The following MYO16 variants were observed in gnomAD, a reference collection of about 807,000 sequenced individuals.
The protein encoded by MYO16 is myosin XVI, also known as unconventional myosin-XVI.
In MYO16, 94 loss-of-function variants were observed where a neutral mutation model predicts 205.3. That is an observed-to-expected ratio of 0.46 (90% CI 0.39 to 0.54). The LOEUF is 0.54. Ranked by LOEUF, MYO16 falls within the 20% of genes least tolerant of loss-of-function variation. The pLI, the probability that MYO16 is intolerant of heterozygous loss-of-function variation, is 0.00. For missense variants in MYO16, 2,315 were observed against 2,387.5 expected (o/e 0.97, Z 0.63); for synonymous variants, 988 against 954.0 (o/e 1.04, Z -0.66).
At chr13:108,593,137 T>C (rs1005460875), upstream of MYO16, among the ~76,000 whole-genome samples, 2 of 151,958 alleles carry the variant, frequency 1.3e-5, no homozygotes, top group African/African-American at 4.8e-5. Context: ...AAGCGATGAG[T>C]AAATGAAGAG....
chr13:108,746,846 C>T (rs112626042), intron 4 of MYO16, among the ~76,000 whole-genome samples: 5 of 152,090 alleles, frequency 3.3e-5, no homozygotes, highest in African/African-American at 1.2e-4. Flanking sequence ...AACAGCTTTA[C>T]TTAAGTATAG....
chr13:109,206,521 C>T, intron 34 of MYO16, 88 bp from the exon 35 acceptor site: 1 of 986,588 alleles, frequency 1.0e-6, no homozygotes, highest in East Asian at 2.4e-5. Flanking sequence ...CAGTCCTGCC[C>T]CTTTGTATCC....
At chr13:109,000,243 T>C (rs1283596360) in intron 21 of MYO16, among the ~76,000 whole-genome samples, 1 of 152,220 alleles carries the variant, frequency 6.6e-6, no homozygotes, top group Non-Finnish European at 1.5e-5. Flanking sequence ...TCATGTAGTT[T>C]TGTGCTAATA....
At chr13:109,059,660 A>G (rs67339052) in intron 27 of MYO16, among the ~76,000 whole-genome samples, 9,339 of 152,002 alleles carry the variant, frequency 0.061, 341 homozygotes, top group Non-Finnish European at 0.085. Context: ...TGGATGTTAG[A>G]CCTTTGTGAG....
intron 34 of MYO16, among the ~76,000 whole-genome samples, chr13:109,201,257 G>A (rs769412192): frequency 6.6e-6 from 1 of 152,048 alleles, no homozygotes; most frequent in Non-Finnish European, 1.5e-5. Context: ...TAACAGATTT[G>A]ATCACTTTGA....
chr13:108,971,622 CAT>C (rs1271256021), intron 20 of MYO16, among the ~76,000 whole-genome samples: 1 of 151,450 alleles, frequency 6.6e-6, no homozygotes, highest in African/African-American at 2.4e-5. Context: ...GAGTTTCTAA[CAT>C]ATATATGGAG....
the MYO16 span, among the ~76,000 whole-genome samples, chr13:108,564,704 TATTA>T: frequency 6.6e-6 from 1 of 152,216 alleles, no homozygotes. Flanking sequence ...GCTTGTAGAA[TATTA>T]CTCAAGAAAT....
At chr13:108,495,737 C>G in the MYO16 span, among the ~76,000 whole-genome samples, 2 of 150,908 alleles carry the variant, frequency 1.3e-5, no homozygotes, top group South Asian at 2.1e-4. Flanking sequence ...CAGAGAGAGC[C>G]GCCGCCGAGC....
At chr13:108,570,341 T>C in the MYO16 span, among the ~76,000 whole-genome samples, 1 of 152,170 alleles carries the variant, frequency 6.6e-6, no homozygotes, top group South Asian at 2.1e-4. Context: ...CTCAAACCCC[T>C]GGGCTCAAGT....
At chr13:109,039,311 G>A (rs1159748432) in intron 23 of MYO16, among the ~76,000 whole-genome samples, 1 of 152,168 alleles carries the variant, frequency 6.6e-6, no homozygotes, top group African/African-American at 2.4e-5. Flanking sequence ...CAATCGGCAA[G>A]GGTGCAGGAG....
Position 108,964,808 on chromosome 13 carries a change from C to G in MYO16, c.2275C>G (p.Arg759Gly). The change falls in exon 20 of 35, where the codon CGA becomes GGA. Residue 759 changes from arginine to glycine, a missense_variant. By Grantham distance (125) the Arg-to-Gly change is moderately radical. Coordinates refer to ENST00000457511, the MANE Select transcript of MYO16 (RefSeq NM_001198950.3). Reference sequence around the variant, plus strand: ...TACCATACAGATTGCTGAGTTTTTCCGAGACCTCTTGGCCAAGTCCCTGTA... The same window carrying G: ...TACCATACAGATTGCTGAGTTTTTCGGAGACCTCTTGGCCAAGTCCCTGTA... Reference protein sequence around the residue: ...RHTIQIAEFFRDLLAKSLYSR... With the variant: ...RHTIQIAEFFGDLLAKSLYSR... 1 of 1,613,990 alleles carries G rather than the reference C, an allele frequency of 6.2e-7. No homozygotes were observed. The highest frequency in any genetic ancestry group is 8.5e-7 in the Non-Finnish European group (1 of 1,179,970).
At chr13:108,989,840 GAT>G (rs1411281347) in intron 20 of MYO16, among the ~76,000 whole-genome samples, 1 of 151,842 alleles carries the variant, frequency 6.6e-6, no homozygotes, top group Non-Finnish European at 1.5e-5. Context: ...ATTTTAATAA[GAT>G]TGATACTTTT....
chr13:108,666,936 A>G (rs1297007528), intron 2 of MYO16, among the ~76,000 whole-genome samples: 1 of 152,226 alleles, frequency 6.6e-6, no homozygotes, highest in Non-Finnish European at 1.5e-5. Context: ...AAGGCTTCAA[A>G]GAAACAGATA....
intron 1 of MYO16, among the ~76,000 whole-genome samples, chr13:108,613,386 C>A (rs1879244454): frequency 1.3e-5 from 2 of 152,042 alleles, no homozygotes; most frequent in African/African-American, 4.8e-5. Context: ...CTTTTTATTT[C>A]TTGATATCTA....
At chr13:108,751,061 T>A (rs575409904) in intron 4 of MYO16, among the ~76,000 whole-genome samples, 20 of 149,856 alleles carry the variant, frequency 1.3e-4, no homozygotes, top group South Asian at 6.4e-4. Context: ...ATATGTGTGT[T>A]CACACACACA....
the MYO16 span, among the ~76,000 whole-genome samples, chr13:108,521,603 G>A: frequency 1.3e-5 from 2 of 152,146 alleles, no homozygotes; most frequent in Non-Finnish European, 2.9e-5. Flanking sequence ...CTTTTGTGCA[G>A]CTACCTGGTA....
chr13:108,659,627 G>A (rs745783414), intron 1 of MYO16, among the ~76,000 whole-genome samples: 12 of 152,100 alleles, frequency 7.9e-5, no homozygotes, highest in African/African-American at 1.4e-4. Flanking sequence ...ATGGGAACAC[G>A]GTGTCATCTT....
intron 23 of MYO16, among the ~76,000 whole-genome samples, chr13:109,023,405 A>G (rs1217594867): frequency 4.6e-5 from 4 of 86,904 alleles, no homozygotes; most frequent in African/African-American, 1.9e-4. Flanking sequence ...ATATATTTAT[A>G]TATTATACAG....
chr13:108,546,363 T>G, the MYO16 span, among the ~76,000 whole-genome samples: 8 of 152,082 alleles, frequency 5.3e-5, no homozygotes, highest in Non-Finnish European at 1.0e-4. Context: ...GGGCAGTTGG[T>G]TTTAAGGGTG....
Sources: gnomAD v4.1 joint callset for allele counts (sites outside exome capture counted in the v4.1 genomes callset) on GRCh38, gnomAD v4.1.1 for gene constraint, MANE v1.5 for transcripts, NCBI Gene and HGNC (gene_info 2026-07-23, HGNC 2026-07-21) for gene names.